The following TNIK variants were observed in gnomAD, a reference collection of about 807,000 sequenced individuals.
TNIK encodes TRAF2 and NCK-interacting protein kinase.
A neutral mutation model predicts 191.3 loss-of-function variants in TNIK; 49 were observed. The observed-to-expected ratio is 0.26, with a 90% CI of 0.20 to 0.32. The LOEUF is 0.32. TNIK is among the 10% of genes least tolerant of loss of function. The probability of loss-of-function intolerance (pLI) is 1.00; values close to 1 mark genes in which losing one functional copy is unlikely to be tolerated. For missense variants in TNIK, 1,155 were observed against 1,702.3 expected, an observed-to-expected ratio of 0.68 and a Z score of 5.66; for synonymous variants, 594 against 600.9, an observed-to-expected ratio of 0.99 and a Z score of 0.17.
At chr3:171,166,101 T>C (rs1267512088) in intron 10 of TNIK, among the ~76,000 whole-genome samples, 1 of 152,188 alleles carries the variant, frequency 6.6e-6, no homozygotes, top group Non-Finnish European at 1.5e-5. Flanking sequence ...ACCATACCGA[T>C]GATTATGGCA....
At chr3:171,452,667 G>T (rs1310448101) in intron 1 of TNIK, among the ~76,000 whole-genome samples, 1 of 151,130 alleles carries the variant, frequency 6.6e-6, no homozygotes, top group East Asian at 1.9e-4. Context: ...ATCTATTACT[G>T]TTTAATCAAA....
At chr3:171,389,625 T>C (rs1195976105) in intron 1 of TNIK, among the ~76,000 whole-genome samples, 1 of 152,142 alleles carries the variant, frequency 6.6e-6, no homozygotes, top group East Asian at 1.9e-4. Flanking sequence ...TAACGGAACA[T>C]AGAGTAGCCT....
intron 3 of TNIK, among the ~76,000 whole-genome samples, chr3:171,222,199 C>T (rs775668230): frequency 5.3e-5 from 8 of 152,140 alleles, no homozygotes; most frequent in Non-Finnish European, 1.0e-4. Flanking sequence ...AATACTCTCT[C>T]ATTTCTCATC....
chr3:171,103,149 T>C (rs1380303898), intron 21 of TNIK, among the ~76,000 whole-genome samples: 1 of 152,102 alleles, frequency 6.6e-6, no homozygotes, highest in African/African-American at 2.4e-5. Context: ...ATTCAACCTT[T>C]GCATTACATA....
At chr3:171,369,350 G>A (rs577138428) in intron 2 of TNIK, among the ~76,000 whole-genome samples, 4 of 152,206 alleles carry the variant, frequency 2.6e-5, no homozygotes, top group African/African-American at 4.8e-5. Flanking sequence ...GAAACTGAAC[G>A]CTTGAAGAGC....
chr3:171,421,888 A>G (rs1017202980), intron 1 of TNIK, among the ~76,000 whole-genome samples: 13 of 151,582 alleles, frequency 8.6e-5, no homozygotes, highest in African/African-American at 3.2e-4. Context: ...CGTGACATCA[A>G]GCCTGGATAA....
At chr3:171,169,083 G>A (rs1471563779) in intron 9 of TNIK, among the ~76,000 whole-genome samples, 1 of 152,148 alleles carries the variant, frequency 6.6e-6, no homozygotes, top group Non-Finnish European at 1.5e-5. Context: ...ATGAATTGAA[G>A]AGAATGAGGC....
At chr3:171,100,210 CTGGATTAG>C (rs1168384335) in intron 22 of TNIK, among the ~76,000 whole-genome samples, 2 of 152,130 alleles carry the variant, frequency 1.3e-5, no homozygotes, top group Non-Finnish European at 2.9e-5. Flanking sequence ...CAGAAATGTT[CTGGATTAG>C]TGATTTTGCC....
At chr3:171,347,321 G>A in intron 2 of TNIK, 1 of 1,265,680 alleles carries the variant, frequency 7.9e-7, no homozygotes, top group South Asian at 1.4e-5. Flanking sequence ...CTAGTTCTAA[G>A]TAGCATCTAG....
intron 2 of TNIK, among the ~76,000 whole-genome samples, chr3:171,348,649 T>C (rs1386440062): frequency 6.6e-6 from 1 of 152,216 alleles, no homozygotes; most frequent in Non-Finnish European, 1.5e-5. Flanking sequence ...AATTTTTAAC[T>C]TTTTGTTGTT....
At chr3:171,321,088 T>A (rs1165012017) in intron 2 of TNIK, among the ~76,000 whole-genome samples, 1 of 152,204 alleles carries the variant, frequency 6.6e-6, no homozygotes, top group Admixed American at 6.6e-5. Flanking sequence ...TTTTAAAACC[T>A]TATATAGTAA....
intron 2 of TNIK, among the ~76,000 whole-genome samples, chr3:171,363,757 C>T (rs1715313947): frequency 1.3e-5 from 2 of 152,156 alleles, no homozygotes; most frequent in Non-Finnish European, 1.5e-5. Context: ...AGAAAATCTC[C>T]ACCCAACAGG....
chr3:171,111,084 GA>G (rs1327935466), intron 18 of TNIK, among the ~76,000 whole-genome samples: 1 of 152,098 alleles, frequency 6.6e-6, no homozygotes, highest in African/African-American at 2.4e-5. Context: ...ATAGGAATAT[GA>G]AAAAAATGAT....
chr3:171,349,568 T>C (rs1712802915), intron 2 of TNIK, among the ~76,000 whole-genome samples: 1 of 152,190 alleles, frequency 6.6e-6, no homozygotes, highest in Admixed American at 6.5e-5. Flanking sequence ...CAAGAGGCAG[T>C]GTCACACAAT....
intron 28 of TNIK, among the ~76,000 whole-genome samples, chr3:171,074,462 A>T (rs181461796): frequency 6.6e-6 from 1 of 152,288 alleles, no homozygotes; most frequent in Admixed American, 6.5e-5. Context: ...CCATTATGCA[A>T]TATACCCATG....
At chr3:171,331,705 C>T (rs151241272) in intron 2 of TNIK, among the ~76,000 whole-genome samples, 4 of 152,274 alleles carry the variant, frequency 2.6e-5, no homozygotes, top group South Asian at 2.1e-4. Flanking sequence ...GGTTTTCTAA[C>T]GCTCCAGTGT....
chr3:171,434,753 C>T (rs1257474444), intron 1 of TNIK, among the ~76,000 whole-genome samples: 2 of 152,210 alleles, frequency 1.3e-5, no homozygotes, highest in Admixed American at 6.5e-5. Flanking sequence ...AGCCACTGTG[C>T]CTGGCCCTCA....
intron 2 of TNIK, among the ~76,000 whole-genome samples, chr3:171,235,187 T>A (rs1317398783): frequency 6.6e-6 from 1 of 152,024 alleles, no homozygotes; most frequent in Non-Finnish European, 1.5e-5. Context: ...GATTACTGGT[T>A]CCCACTACCA....
rs1379903498 is a variant in TNIK at position 171,181,010 on chromosome 3, TATTG to T, written c.640-3634_640-3631del. Among the ~76,000 whole-genome samples, 8 of 152,140 alleles carry T rather than the reference TATTG, an allele frequency of 5.3e-5. 1 individual carries two copies. The South Asian group carries it at 1.0e-3, about 20-fold the overall frequency. ...GGATTGGTAGAAAGAAAGAAACAGG[TATTG>T]ATTGATTGATTGAGATGAGGTTTCA... On this transcript the variant is annotated intron_variant, in intron 7 of 32. Coordinates refer to ENST00000436636, the MANE Select transcript of TNIK (RefSeq NM_015028.4).
Sources: gnomAD v4.1 joint callset for allele counts (sites outside exome capture counted in the v4.1 genomes callset) on GRCh38, gnomAD v4.1.1 for gene constraint, MANE v1.5 for transcripts, NCBI Gene and HGNC (gene_info 2026-07-23, HGNC 2026-07-21) for gene names.